The following MAGI1 variants were observed in gnomAD, a reference collection of about 807,000 sequenced individuals.
MAGI1 encodes membrane associated guanylate kinase, WW and PDZ domain containing 1, also known as membrane-associated guanylate kinase, WW and PDZ domain-containing protein 1.
Under a neutral mutation model 139.9 loss-of-function variants are expected in MAGI1, and 58 were observed. The ratio of observed to expected loss-of-function variants is 0.41; its 90% CI spans 0.34 to 0.52. MAGI1 has a LOEUF of 0.52. Among genes scored for constraint, MAGI1 ranks in the 20% least tolerant of loss-of-function variants. The pLI is 0.12. For synonymous variants in MAGI1, 812 were observed against 737.9 expected (o/e 1.10, Z -1.63); for missense variants, 1,874 against 1,901.6 (o/e 0.99, Z 0.27).
At chr3:65,780,502 C>T (rs2038844770) in intron 1 of MAGI1, among the ~76,000 whole-genome samples, 1 of 152,102 alleles carries the variant, frequency 6.6e-6, no homozygotes, top group South Asian at 2.1e-4. Context: ...GAGAGAAGAG[C>T]CCTGGAGAGC....
chr3:65,702,575 T>C (rs1159289961), intron 1 of MAGI1, among the ~76,000 whole-genome samples: 1 of 152,160 alleles, frequency 6.6e-6, no homozygotes, highest in African/African-American at 2.4e-5. Flanking sequence ...CTGGTCTTTT[T>C]GCTTGTTCTT....
chr3:65,591,249 C>CT (rs2081953121), intron 2 of MAGI1, among the ~76,000 whole-genome samples: 1 of 152,172 alleles, frequency 6.6e-6, no homozygotes, highest in African/African-American at 2.4e-5. Flanking sequence ...CCACCCCCGC[C>CT]TGGTGTCCCC....
intron 1 of MAGI1, among the ~76,000 whole-genome samples, chr3:65,820,470 T>A (rs775827040): frequency 3.3e-5 from 5 of 152,164 alleles, no homozygotes; most frequent in Non-Finnish European, 7.3e-5. Flanking sequence ...AGGGATCTCT[T>A]TTAAGTCGAG....
At chr3:65,597,931 G>GC (rs1387781134) in intron 2 of MAGI1, 4 of 451,682 alleles carry the variant, frequency 8.9e-6, no homozygotes, top group South Asian at 3.1e-5. Flanking sequence ...GGGGTGGGGG[G>GC]GGGGTGGGAC....
intron 2 of MAGI1, among the ~76,000 whole-genome samples, chr3:65,549,967 G>A (rs1466928899): frequency 6.6e-6 from 1 of 152,086 alleles, no homozygotes; most frequent in Non-Finnish European, 1.5e-5. Flanking sequence ...TGATTACTAT[G>A]AGCCAAAAAA....
intron 2 of MAGI1, among the ~76,000 whole-genome samples, chr3:65,568,440 G>C (rs1559678761): frequency 6.6e-6 from 1 of 152,072 alleles, no homozygotes; most frequent in East Asian, 1.9e-4. Flanking sequence ...GCACATAATA[G>C]TGTCAACTTG....
At chr3:66,018,847 T>G (rs939225159) in intron 1 of MAGI1, among the ~76,000 whole-genome samples, 3 of 152,186 alleles carry the variant, frequency 2.0e-5, no homozygotes, top group Admixed American at 1.3e-4. Context: ...GAACTGGCTG[T>G]CTGATCACCT....
intron 1 of MAGI1, among the ~76,000 whole-genome samples, chr3:65,769,181 AAAAT>A (rs2037747175): frequency 6.6e-6 from 1 of 152,244 alleles, no homozygotes; most frequent in Non-Finnish European, 1.5e-5. Flanking sequence ...TCTGATGACA[AAAAT>A]AAATAATGAG....
chr3:65,999,860 C>G (rs2066645989), intron 1 of MAGI1, among the ~76,000 whole-genome samples: 1 of 151,622 alleles, frequency 6.6e-6, no homozygotes, highest in Non-Finnish European at 1.5e-5. Flanking sequence ...TGTAACCACA[C>G]AGAGTTAACC....
intron 1 of MAGI1, among the ~76,000 whole-genome samples, chr3:65,844,906 C>T (rs896010837): frequency 1.3e-5 from 2 of 152,144 alleles, no homozygotes; most frequent in Non-Finnish European, 2.9e-5. Flanking sequence ...TGTGGCCATG[C>T]ATTAATTTGC....
At chr3:65,836,570 C>T (rs2042815510) in intron 1 of MAGI1, among the ~76,000 whole-genome samples, 1 of 152,108 alleles carries the variant, frequency 6.6e-6, no homozygotes, top group Admixed American at 6.6e-5. Flanking sequence ...CCTGTAATCT[C>T]AGCACTTTGG....
chr3:65,386,703 T>A (rs1451198104), intron 14 of MAGI1, among the ~76,000 whole-genome samples: 1 of 152,186 alleles, frequency 6.6e-6, no homozygotes, highest in Non-Finnish European at 1.5e-5. Context: ...AATATTAATA[T>A]CACTTTTTTT....
chr3:65,435,381 T>C (rs1947763567), intron 10 of MAGI1, among the ~76,000 whole-genome samples: 1 of 152,132 alleles, frequency 6.6e-6, no homozygotes, highest in Non-Finnish European at 1.5e-5. Flanking sequence ...CATTTGGCAC[T>C]CAGAACCTGA....
At chr3:65,867,758 AG>A (rs1235324608) in intron 1 of MAGI1, among the ~76,000 whole-genome samples, 1 of 151,970 alleles carries the variant, frequency 6.6e-6, no homozygotes, top group Non-Finnish European at 1.5e-5. Flanking sequence ...GAATCAAAAA[AG>A]GGGTGGGAGT....
At chr3:65,425,133 CAAAAAAAAA>C (rs1559543154) in intron 12 of MAGI1, among the ~76,000 whole-genome samples, 1 of 74,832 alleles carries the variant, frequency 1.3e-5, no homozygotes, top group African/African-American at 5.6e-5. Context: ...AAAAAAAAAA[CAAAAAAAAA>C]CACACATGCC....
intron 1 of MAGI1, among the ~76,000 whole-genome samples, chr3:65,895,565 A>G (rs1006623599): frequency 6.6e-6 from 1 of 152,030 alleles, no homozygotes; most frequent in Admixed American, 6.5e-5. Flanking sequence ...CCCTACAAAG[A>G]CTCTTTATAT....
At chr3:65,968,364 A>C (rs930307909) in intron 1 of MAGI1, among the ~76,000 whole-genome samples, 8 of 152,210 alleles carry the variant, frequency 5.3e-5, no homozygotes, top group African/African-American at 1.9e-4. Context: ...TCTGAAAAGA[A>C]CCTTAATGCT....
chr3:65,846,958 A>G (rs2059019031), intron 1 of MAGI1, among the ~76,000 whole-genome samples: 1 of 145,964 alleles, frequency 6.9e-6, no homozygotes, highest in Non-Finnish European at 1.5e-5. Flanking sequence ...TCAGATTACA[A>G]AGAATAGCAA....
At chr3:65,678,739 A>T (rs2087364020) in intron 1 of MAGI1, among the ~76,000 whole-genome samples, 1 of 152,148 alleles carries the variant, frequency 6.6e-6, no homozygotes, top group African/African-American at 2.4e-5. Context: ...AAATTTTGTC[A>T]GCCTGTTGTG....
Sources: gnomAD v4.1 joint callset for allele counts (sites outside exome capture counted in the v4.1 genomes callset) on GRCh38, gnomAD v4.1.1 for gene constraint, MANE v1.5 for transcripts, NCBI Gene and HGNC (gene_info 2026-07-23, HGNC 2026-07-21) for gene names.